The following EBF1 variants were observed in gnomAD, a reference collection of about 807,000 sequenced individuals.
The protein encoded by EBF1 is transcription factor COE1.
In EBF1, 10 loss-of-function variants were observed where a neutral mutation model predicts 68.4. The ratio of observed to expected loss-of-function variants is 0.15; its 90% confidence interval spans 0.09 to 0.25. The LOEUF is 0.25. Ranked by LOEUF, EBF1 falls within the 10% of genes least tolerant of loss-of-function variation. The pLI is 1.00. For missense variants in EBF1, 509 were observed against 794.4 expected (o/e 0.64, Z 4.32); for synonymous variants, 298 against 299.8 (o/e 0.99, Z 0.06).
intron 4 of EBF1, among the ~76,000 whole-genome samples, chr5:159,087,989 C>T (rs1781013565): frequency 6.6e-6 from 1 of 152,102 alleles, no homozygotes; most frequent in Admixed American, 6.5e-5. Flanking sequence ...GAAGTGCTGC[C>T]TCCATGACTT....
At chr5:158,775,783 G>GACACACACACACAC (rs58752245) in intron 10 of EBF1, among the ~76,000 whole-genome samples, 74 of 129,604 alleles carry the variant, frequency 5.7e-4, no homozygotes, top group African/African-American at 2.1e-3. Context: ...CATGCACACA[G>GACACACACACACAC]ACACACACAC....
At chr5:158,750,735 CAA>C (rs1768652377) in intron 10 of EBF1, among the ~76,000 whole-genome samples, 1 of 150,988 alleles carries the variant, frequency 6.6e-6, no homozygotes, top group South Asian at 2.1e-4. Flanking sequence ...AAAATTATTT[CAA>C]AAGTTTTTTT....
intron 6 of EBF1, among the ~76,000 whole-genome samples, chr5:158,962,833 C>T (rs945115487): frequency 2.0e-5 from 3 of 152,106 alleles, no homozygotes; most frequent in African/African-American, 7.2e-5. Context: ...TTTATCAGAT[C>T]GTGGGTAAGT....
intron 6 of EBF1, among the ~76,000 whole-genome samples, chr5:158,941,785 T>C (rs762344020): frequency 6.6e-6 from 1 of 152,188 alleles, no homozygotes; most frequent in Non-Finnish European, 1.5e-5. Flanking sequence ...CAGATGGTGA[T>C]GAGTCCAAGG....
At chr5:158,817,471 T>G (rs1005651315) in intron 8 of EBF1, among the ~76,000 whole-genome samples, 2 of 152,150 alleles carry the variant, frequency 1.3e-5, no homozygotes, top group Non-Finnish European at 2.9e-5. Context: ...CACACTTGCT[T>G]GCCTTTTCAC....
At chr5:158,882,847 G>T (rs922399085) in intron 6 of EBF1, among the ~76,000 whole-genome samples, 1 of 152,190 alleles carries the variant, frequency 6.6e-6, no homozygotes, top group African/African-American at 2.4e-5. Flanking sequence ...ACCCCAAGAC[G>T]GTGCAGAGCC....
chr5:158,722,036 T>C (rs1762039198), intron 11 of EBF1, among the ~76,000 whole-genome samples: 1 of 152,236 alleles, frequency 6.6e-6, no homozygotes, highest in African/African-American at 2.4e-5. Context: ...GACTATGACC[T>C]GCTTGGAGGT....
chr5:158,884,446 T>G (rs1449747045), intron 6 of EBF1, among the ~76,000 whole-genome samples: 1 of 152,198 alleles, frequency 6.6e-6, no homozygotes, highest in African/African-American at 2.4e-5. Context: ...AATAATACAT[T>G]CAATAAGCAT....
chr5:158,803,950 CTGTGTGTGTGTG>C (rs10581149), intron 8 of EBF1, among the ~76,000 whole-genome samples: 9 of 131,498 alleles, frequency 6.8e-5, no homozygotes, highest in Admixed American at 4.0e-4. Flanking sequence ...GTGTGTGTGT[CTGTGTGTGTGTG>C]TGTGTGTGTG....
At chr5:158,991,790 T>A (rs1371997592) in intron 6 of EBF1, among the ~76,000 whole-genome samples, 3 of 152,358 alleles carry the variant, frequency 2.0e-5, no homozygotes, top group Middle Eastern at 3.4e-3. Flanking sequence ...GCATATAAAA[T>A]TCAAGCCATT....
At chr5:158,996,849 C>A (rs1761517416) in intron 6 of EBF1, among the ~76,000 whole-genome samples, 1 of 152,152 alleles carries the variant, frequency 6.6e-6, no homozygotes, top group African/African-American at 2.4e-5. Context: ...ATATGTTATA[C>A]CTCCTGTCTT....
intron 11 of EBF1, 80 bp from the exon 12 acceptor site, chr5:158,714,262 C>T: frequency 1.3e-6 from 2 of 1,537,930 alleles, no homozygotes; most frequent in African/African-American, 1.4e-5. Context: ...ATTCCAGTCC[C>T]TCTGGCCATA....
chr5:159,069,071 A>C (rs2127925399), intron 6 of EBF1, among the ~76,000 whole-genome samples: 1 of 152,234 alleles, frequency 6.6e-6, no homozygotes, highest in Admixed American at 6.5e-5. Flanking sequence ...TTTAACATCC[A>C]AGTTTTAAAT....
intron 6 of EBF1, 42 bp from the exon 7 acceptor site, chr5:158,840,152 G>T (rs2127962480): frequency 2.0e-6 from 3 of 1,505,874 alleles, no homozygotes; most frequent in South Asian, 2.3e-5. Flanking sequence ...TTCGGTTTCT[G>T]ACACGGGAGG....
At chr5:158,956,366 AAG>A (rs904170305) in intron 6 of EBF1, among the ~76,000 whole-genome samples, 7 of 152,276 alleles carry the variant, frequency 4.6e-5, no homozygotes, top group African/African-American at 1.7e-4. Flanking sequence ...CATTAAAAGA[AAG>A]AGAACTCAAA....
At chr5:158,721,634 G>A (rs187447181) in intron 11 of EBF1, among the ~76,000 whole-genome samples, 4 of 152,208 alleles carry the variant, frequency 2.6e-5, no homozygotes, top group South Asian at 2.1e-4. Context: ...TTACTGTCCC[G>A]TAAGCAATAA....
chr5:159,093,283 A>G (rs1478189706), intron 4 of EBF1, among the ~76,000 whole-genome samples: 5 of 152,190 alleles, frequency 3.3e-5, no homozygotes, highest in Admixed American at 2.6e-4. Context: ...GTGGTTAAAC[A>G]ATTATTATGA....
At position 158,885,884 on chromosome 5, in the gene EBF1, G is replaced by A. The variant is rs148757932; in HGVS notation, c.555-45774C>T. Among the ~76,000 whole-genome samples the A allele has an allele frequency of 5.2e-3, 798 of 152,282 alleles. 4 individuals carry two copies. The highest frequency in any genetic ancestry group is 7.2e-3 in the Non-Finnish European group (493 of 68,020). ...CATAGAAAAATGTCAGAAAATATGT[G>A]ATCAAATGTAGCAGGTATATTCTGC... On this transcript the variant is annotated intron_variant, in intron 6 of 15. Coordinates refer to ENST00000313708, the MANE Select transcript of EBF1 (RefSeq NM_024007.5).
chr5:158,761,156 C>T (rs1276851896), intron 10 of EBF1, among the ~76,000 whole-genome samples: 2 of 152,282 alleles, frequency 1.3e-5, no homozygotes, highest in African/African-American at 4.8e-5. Flanking sequence ...TGCTTTTTCT[C>T]CCCTCAGTTA....
Sources: allele counts gnomAD v4.1 joint callset (sites outside exome capture counted in the v4.1 genomes callset), GRCh38; gene constraint gnomAD v4.1.1; transcripts MANE v1.5; gene names NCBI Gene and HGNC (gene_info 2026-07-23, HGNC 2026-07-21).